CPED1: variants seen among roughly 807,000 people sequenced by gnomAD.
The protein encoded by CPED1 is cadherin like and PC-esterase domain containing 1, also known as cadherin-like and PC-esterase domain-containing protein 1.
CPED1 carries 114 observed loss-of-function variants against 128.2 expected under a neutral mutation model. The ratio of observed to expected loss-of-function variants is 0.89; its 90% CI spans 0.76 to 1.04. The LOEUF (loss-of-function observed/expected upper bound fraction) is 1.04, where lower values mean the gene tolerates loss of function less well. CPED1 is among the 50% of genes least tolerant of loss of function. The pLI is 0.00. For synonymous variants in CPED1, 462 were observed against 426.7 expected, an observed-to-expected ratio of 1.08 and a Z score of -1.02; for missense variants, 1,211 against 1,207.1, an observed-to-expected ratio of 1.00 and a Z score of -0.05.
rs74790796 is a variant in CPED1 at position 121,011,729 on chromosome 7, A to G, written c.250-3936A>G. 2.1e-3 allele frequency among the ~76,000 whole-genome samples: 313 copies of G among 152,316 alleles called. 9 individuals carry two copies. In the East Asian group the frequency reaches 0.055, roughly 27 times the overall value. On this transcript the variant is annotated intron_variant, in intron 2 of 22. Transcript: ENST00000310396. ...CCAGGAAAAAAATCAAATAAATTTA[A>G]TAAGTAAACAAATTATATTTATGCA...
At chr7:121,226,269 A>G (rs546684923) in intron 16 of CPED1, among the ~76,000 whole-genome samples, 11 of 152,160 alleles carry the variant, frequency 7.2e-5, no homozygotes, top group Non-Finnish European at 1.5e-4. Context: ...AGTTTGCTAG[A>G]AGTCCACTCC....
At chr7:120,993,656 A>T (rs1796345769) in intron 2 of CPED1, among the ~76,000 whole-genome samples, 1 of 152,216 alleles carries the variant, frequency 6.6e-6, no homozygotes, top group Admixed American at 6.5e-5. Context: ...ACTGGAGGCA[A>T]ACACTTGCAT....
chr7:121,098,814 AATATATATATAAATAT>A (rs1794768728), intron 6 of CPED1, among the ~76,000 whole-genome samples: 1 of 141,936 alleles, frequency 7.0e-6, no homozygotes, highest in African/African-American at 2.7e-5. Context: ...ATATATAAAT[AATATATATATAAATAT>A]ATATATAAAT....
intron 16 of CPED1, among the ~76,000 whole-genome samples, chr7:121,232,658 G>A (rs1329940316): frequency 6.6e-6 from 1 of 152,114 alleles, no homozygotes; most frequent in Admixed American, 6.6e-5. Flanking sequence ...CTTCCCAGAG[G>A]GATTTGGCCA....
chr7:121,175,058 G>T (rs540814020), intron 16 of CPED1, among the ~76,000 whole-genome samples: 2 of 152,116 alleles, frequency 1.3e-5, no homozygotes, highest in Admixed American at 6.6e-5. Flanking sequence ...AGTGATTCTT[G>T]TACATTGATT....
chr7:121,009,768 T>C (rs1792114441), intron 2 of CPED1, among the ~76,000 whole-genome samples: 1 of 152,148 alleles, frequency 6.6e-6, no homozygotes, highest in South Asian at 2.1e-4. Context: ...GAGACCACAA[T>C]GTCTAAGATA....
intron 16 of CPED1, among the ~76,000 whole-genome samples, chr7:121,211,697 G>A (rs1391301439): frequency 6.6e-6 from 1 of 152,056 alleles, no homozygotes; most frequent in Non-Finnish European, 1.5e-5. Flanking sequence ...TGAGTGGAGA[G>A]AGGCAACCTG....
At chr7:121,124,575 G>A (rs1298550960) in intron 8 of CPED1, 102 bp downstream of exon 8, 1 of 884,328 alleles carries the variant, frequency 1.1e-6, no homozygotes, top group Non-Finnish European at 1.6e-6. Flanking sequence ...ATAAGTAGGT[G>A]GTACTTGGAA....
intron 16 of CPED1, among the ~76,000 whole-genome samples, chr7:121,228,986 G>C (rs539599661): frequency 2.0e-5 from 3 of 152,064 alleles, no homozygotes; most frequent in African/African-American, 7.2e-5. Context: ...AAGAATGAGT[G>C]GGGGTAAGGA....
chr7:121,274,874 G>T (rs780023347), intron 22 of CPED1, among the ~76,000 whole-genome samples: 1 of 152,078 alleles, frequency 6.6e-6, no homozygotes, highest in Non-Finnish European at 1.5e-5. Flanking sequence ...AAAAAAGTTG[G>T]TGACTGCTCT....
At chr7:121,087,244 G>A (rs1471069153) in intron 5 of CPED1, among the ~76,000 whole-genome samples, 1 of 152,008 alleles carries the variant, frequency 6.6e-6, no homozygotes, top group Non-Finnish European at 1.5e-5. Flanking sequence ...TAAATTTTTT[G>A]CCAAATTCAG....
At chr7:121,070,086 A>T (rs1793949452) in intron 5 of CPED1, among the ~76,000 whole-genome samples, 1 of 151,756 alleles carries the variant, frequency 6.6e-6, no homozygotes, top group Admixed American at 6.6e-5. Flanking sequence ...TAATAGGTAA[A>T]AACACCTTTT....
At chr7:121,043,660 G>GT (rs1793116511) in intron 3 of CPED1, among the ~76,000 whole-genome samples, 1 of 152,130 alleles carries the variant, frequency 6.6e-6, no homozygotes, top group Non-Finnish European at 1.5e-5. Context: ...AGGGCCAGGT[G>GT]TGGGGGTAAG....
At chr7:121,220,699 A>G (rs1797855934) in intron 16 of CPED1, among the ~76,000 whole-genome samples, 1 of 152,020 alleles carries the variant, frequency 6.6e-6, no homozygotes, top group African/African-American at 2.4e-5. Context: ...ACCATAATTC[A>G]TACTAATGGT....
At chr7:121,230,057 A>G (rs73438209) in intron 16 of CPED1, among the ~76,000 whole-genome samples, 2,551 of 152,150 alleles carry the variant, frequency 0.017, 73 homozygotes, top group African/African-American at 0.057. Flanking sequence ...AAACTTTTGC[A>G]TTTCAGGAAG....
chr7:121,194,043 TA>T (rs1238627520), intron 16 of CPED1, among the ~76,000 whole-genome samples: 13,395 of 91,752 alleles, frequency 0.15, 1,198 homozygotes, highest in Non-Finnish European at 0.18. Flanking sequence ...TATATATATA[TA>T]TATATTTTTT....
chr7:121,182,776 TC>T, intron 16 of CPED1, among the ~76,000 whole-genome samples: 1 of 152,188 alleles, frequency 6.6e-6, no homozygotes. Context: ...TTACCTTGTC[TC>T]TGTGATGGAG....
Position 121,141,967 on chromosome 7 carries a change from C to T in CPED1, c.1887-6C>T. The T allele has an allele frequency of 6.2e-7, 1 of 1,610,642 alleles. No homozygotes were observed. ...ATTCTATTTCTCTCTCCCTCTTTCT[C>T]TCCAGCTTTGCCAGCTACCCTCTGG... On this transcript the variant is annotated splice_region_variant and splice_polypyrimidine_tract_variant and intron_variant, in intron 15 of 22. Transcript: ENST00000310396.
chr7:121,017,226 G>T (rs1375560318), intron 3 of CPED1, among the ~76,000 whole-genome samples: 3 of 152,168 alleles, frequency 2.0e-5, no homozygotes, highest in Admixed American at 6.5e-5. Context: ...CCTTCTAGGA[G>T]TAGTGTGGAA....
Sources: gnomAD v4.1 joint callset for allele counts (sites outside exome capture counted in the v4.1 genomes callset) on GRCh38, gnomAD v4.1.1 for gene constraint, MANE v1.5 for transcripts, NCBI Gene and HGNC (gene_info 2026-07-23, HGNC 2026-07-21) for gene names.